RBMS3: variants seen among roughly 807,000 people sequenced by gnomAD.
RBMS3 encodes the protein RNA binding motif single stranded interacting protein 3, also known as RNA-binding motif, single-stranded-interacting protein 3.
A neutral mutation model predicts 66.8 loss-of-function variants in RBMS3; 27 were observed. The observed-to-expected ratio is 0.40, with a 90% confidence interval of 0.30 to 0.56. RBMS3 has a LOEUF of 0.56. RBMS3 is among the 20% of genes least tolerant of loss of function. The probability of loss-of-function intolerance (pLI) is 0.40; values close to 1 mark genes in which losing one functional copy is unlikely to be tolerated. For missense variants in RBMS3, 513 were observed against 549.5 expected, an observed-to-expected ratio of 0.93 and a Z score of 0.66; for synonymous variants, 188 against 183.0, an observed-to-expected ratio of 1.03 and a Z score of -0.22.
At chr3:29,436,132 T>C (rs1432416640) in intron 2 of RBMS3, among the ~76,000 whole-genome samples, 6 of 152,242 alleles carry the variant, frequency 3.9e-5, no homozygotes, top group Non-Finnish European at 8.8e-5. Context: ...TTTTCTCTTT[T>C]GCAATGCTTT....
intron 5 of RBMS3, among the ~76,000 whole-genome samples, chr3:29,758,475 A>G (rs1332991739): frequency 6.6e-6 from 1 of 152,166 alleles, no homozygotes; most frequent in East Asian, 1.9e-4. Flanking sequence ...TTAGTCAAAT[A>G]TTGTCATCCA....
intron 5 of RBMS3, among the ~76,000 whole-genome samples, chr3:29,759,367 AC>A (rs2055563166): frequency 6.6e-6 from 1 of 152,220 alleles, no homozygotes; most frequent in African/African-American, 2.4e-5. Flanking sequence ...GAAGCTTTAT[AC>A]AATGATTAGA....
intron 4 of RBMS3, among the ~76,000 whole-genome samples, chr3:29,593,944 T>C (rs2047855700): frequency 6.6e-6 from 1 of 152,180 alleles, no homozygotes; most frequent in Non-Finnish European, 1.5e-5. Context: ...GAGATGGAGA[T>C]GGTGGTTAAA....
intron 6 of RBMS3, among the ~76,000 whole-genome samples, chr3:29,775,652 G>A (rs1461766547): frequency 5.9e-5 from 9 of 152,002 alleles, no homozygotes; most frequent in African/African-American, 2.2e-4. Flanking sequence ...TTCAGATAAT[G>A]TTCATCTTAC....
chr3:29,298,355 C>G (rs1198513393), intron 1 of RBMS3, among the ~76,000 whole-genome samples: 1 of 151,896 alleles, frequency 6.6e-6, no homozygotes, highest in Non-Finnish European at 1.5e-5. Flanking sequence ...GATCTTACAA[C>G]AGTGCTAGTC....
intron 3 of RBMS3, among the ~76,000 whole-genome samples, chr3:29,550,830 A>G (rs2046158046): frequency 6.6e-6 from 1 of 152,178 alleles, no homozygotes; most frequent in Admixed American, 6.5e-5. Context: ...AGCATCACTG[A>G]CACTTTATCT....
At chr3:29,325,576 A>C (rs1193108089) in intron 1 of RBMS3, among the ~76,000 whole-genome samples, 1 of 150,174 alleles carries the variant, frequency 6.7e-6, no homozygotes, top group Admixed American at 6.6e-5. Context: ...ATATATATAC[A>C]TGTGTGTATG....
At chr3:29,923,680 A>C (rs935657657) in intron 10 of RBMS3, among the ~76,000 whole-genome samples, 1 of 152,178 alleles carries the variant, frequency 6.6e-6, no homozygotes, top group African/African-American at 2.4e-5. Context: ...ACATCAGTAT[A>C]ATTTTAACTG....
At chr3:29,286,248 CAAAT>C (rs1391340315) in intron 1 of RBMS3, among the ~76,000 whole-genome samples, 10 of 151,566 alleles carry the variant, frequency 6.6e-5, no homozygotes, top group Non-Finnish European at 1.5e-4. Context: ...TAATTGGTTT[CAAAT>C]AAGAGGAAAA....
chr3:29,607,657 C>A (rs1418174279), intron 4 of RBMS3, among the ~76,000 whole-genome samples: 2 of 151,648 alleles, frequency 1.3e-5, no homozygotes. Context: ...ATTTTTTTTC[C>A]CAAATACCTT....
chr3:29,862,634 G>T (rs1303413643), intron 6 of RBMS3, among the ~76,000 whole-genome samples: 2 of 151,962 alleles, frequency 1.3e-5, no homozygotes, highest in African/African-American at 2.4e-5. Context: ...TGTGGTGGGG[G>T]CAGTTCGGAA....
intron 1 of RBMS3, 69 bp downstream of exon 1, chr3:29,281,825 G>T (rs113055711): frequency 1.2e-5 from 16 of 1,355,092 alleles, no homozygotes; most frequent in Non-Finnish European, 1.6e-5. Flanking sequence ...AAACAGACAG[G>T]CGTGTGAATT....
chr3:29,751,812 G>A (rs577260507), intron 5 of RBMS3, among the ~76,000 whole-genome samples: 36 of 152,302 alleles, frequency 2.4e-4, no homozygotes, highest in Non-Finnish European at 4.7e-4. Context: ...AACCCCTTGT[G>A]GGAGGGTTAG....
intron 2 of RBMS3, among the ~76,000 whole-genome samples, chr3:29,477,422 G>A (rs1354785727): frequency 6.6e-6 from 1 of 150,832 alleles, no homozygotes; most frequent in Non-Finnish European, 1.5e-5. Flanking sequence ...TAATGGGCAT[G>A]TATTGATCCC....
intron 6 of RBMS3, among the ~76,000 whole-genome samples, chr3:29,810,268 A>G (rs1237239490): frequency 6.6e-6 from 1 of 152,134 alleles, no homozygotes; most frequent in African/African-American, 2.4e-5. Flanking sequence ...CTCTAACAAC[A>G]TTCTCTACAT....
chr3:29,764,686 G>A (rs545205293), intron 6 of RBMS3, among the ~76,000 whole-genome samples: 5 of 152,150 alleles, frequency 3.3e-5, no homozygotes, highest in Admixed American at 3.3e-4. Context: ...TGATTGATTT[G>A]AAAGTATTTT....
At chr3:29,923,087 T>G (rs1296050568) in intron 10 of RBMS3, among the ~76,000 whole-genome samples, 2 of 152,224 alleles carry the variant, frequency 1.3e-5, no homozygotes, top group Admixed American at 6.5e-5. Context: ...TGTGAGGGTT[T>G]CAAATAAGAT....
chr3:29,550,681 G>T (rs1393675680), intron 3 of RBMS3, among the ~76,000 whole-genome samples: 1 of 151,956 alleles, frequency 6.6e-6, no homozygotes, highest in Admixed American at 6.6e-5. Flanking sequence ...TGCAATATTT[G>T]GGACATGCTT....
At chr3:29,856,183 GC>G (rs1284408781) in intron 6 of RBMS3, among the ~76,000 whole-genome samples, 1 of 152,114 alleles carries the variant, frequency 6.6e-6, no homozygotes, top group Admixed American at 6.5e-5. Context: ...CTGATATATA[GC>G]CCCATGTTCC....
Sources: gnomAD v4.1 joint callset for allele counts (sites outside exome capture counted in the v4.1 genomes callset) on GRCh38, gnomAD v4.1.1 for gene constraint, MANE v1.5 for transcripts, NCBI Gene and HGNC (gene_info 2026-07-23, HGNC 2026-07-21) for gene names.